Variants in PATJ observed in about 807,000 individuals in gnomAD.
PATJ encodes inaD-like protein.
In PATJ, 190 loss-of-function variants were observed where a neutral mutation model predicts 224.9. The observed-to-expected ratio is 0.84, with a 90% CI of 0.75 to 0.95. PATJ has a LOEUF of 0.95. PATJ is among the 40% of genes least tolerant of loss of function. The probability of loss-of-function intolerance (pLI) is 0.00; values close to 1 mark genes in which losing one functional copy is unlikely to be tolerated. For synonymous variants in PATJ, 769 were observed against 820.3 expected (o/e 0.94, Z 1.07); for missense variants, 2,121 against 2,270.3 (o/e 0.93, Z 1.34).
At chr1:61,962,960 G>A (rs1327894973) in intron 27 of PATJ, among the ~76,000 whole-genome samples, 1 of 152,194 alleles carries the variant, frequency 6.6e-6, no homozygotes, top group African/African-American at 2.4e-5. Context: ...CTGGAAAATA[G>A]CACATAATTC....
chr1:61,918,221 T>TAG (rs61047358), intron 26 of PATJ: 137,423 of 151,384 alleles, frequency 0.91, 62,534 homozygotes, highest in African/African-American at 0.97. Flanking sequence ...CTATTTCTCC[T>TAG]AGTCATTTTT....
At chr1:61,926,928 G>C (rs985392126) in intron 26 of PATJ, among the ~76,000 whole-genome samples, 1 of 152,094 alleles carries the variant, frequency 6.6e-6, no homozygotes, top group Non-Finnish European at 1.5e-5. Flanking sequence ...CAGTTATTTT[G>C]TTTTTTCTGG....
At chr1:61,912,726 G>A (rs1672870678) in intron 25 of PATJ, among the ~76,000 whole-genome samples, 1 of 145,384 alleles carries the variant, frequency 6.9e-6, no homozygotes, top group African/African-American at 2.5e-5. Flanking sequence ...AGGAGGGGAG[G>A]GGAGGGAAGG....
At chr1:61,971,370 C>T (rs1335425222) in intron 27 of PATJ, among the ~76,000 whole-genome samples, 4 of 152,174 alleles carry the variant, frequency 2.6e-5, no homozygotes, top group African/African-American at 9.6e-5. Context: ...CAGCGTAAGG[C>T]CAGGTGTGGT....
intron 17 of PATJ, among the ~76,000 whole-genome samples, chr1:61,844,649 C>T (rs532528658): frequency 2.6e-5 from 4 of 152,208 alleles, no homozygotes; most frequent in African/African-American, 9.6e-5. Context: ...TAACCGTTAT[C>T]ATAGGTGATA....
At position 62,011,321 on chromosome 1, in the gene PATJ, G is replaced by A. The variant is rs115294338; in HGVS notation, c.3868-6535G>A. 8.6e-3 allele frequency among the ~76,000 whole-genome samples: 1,315 copies of A among 152,198 alleles called. 19 individuals are homozygous for A. The highest frequency in any genetic ancestry group is 0.03 in the African/African-American group (1,244 of 41,524). On this transcript the variant is annotated intron_variant, in intron 28 of 43. Coordinates refer to ENST00000642238, the MANE Select transcript of PATJ (RefSeq NM_001350145.3). Reference sequence around the variant, plus strand: ...CTTTTGATTTAAAGTGAGAGATGTGGGACTCTTCCTTTTACTTGAACACTT... The same window carrying A: ...CTTTTGATTTAAAGTGAGAGATGTGAGACTCTTCCTTTTACTTGAACACTT...
chr1:61,933,253 T>C (rs993792105), intron 27 of PATJ, among the ~76,000 whole-genome samples: 14 of 152,018 alleles, frequency 9.2e-5, no homozygotes, highest in Non-Finnish European at 2.1e-4. Context: ...GGAAATGGCC[T>C]TTCATACCTG....
intron 7 of PATJ, among the ~76,000 whole-genome samples, chr1:61,784,276 G>A (rs1176503677): frequency 6.6e-6 from 1 of 152,170 alleles, no homozygotes; most frequent in African/African-American, 2.4e-5. Context: ...GATGATTTCT[G>A]TTAAAGAACA....
At chr1:61,840,021 C>T (rs931347389) in intron 17 of PATJ, among the ~76,000 whole-genome samples, 14 of 151,864 alleles carry the variant, frequency 9.2e-5, no homozygotes, top group African/African-American at 2.9e-4. Flanking sequence ...AATATTTCTC[C>T]CTATAAAAAT....
Position 61,974,506 on chromosome 1 carries a change from C to G in PATJ, c.3671-15662C>G, listed in dbSNP as rs140495733. On this transcript the variant is annotated intron_variant, in intron 27 of 43. Transcript: ENST00000642238. ...TTGGCTCACTGCAACCTCCACCTCC[C>G]AGGTTCAAGCGATTCTCCTGACTCA... Among the ~76,000 whole-genome samples the G allele has an allele frequency of 3.5e-3, 524 of 148,712 alleles. 8 individuals carry two copies. The highest frequency in any genetic ancestry group is 0.012 in the African/African-American group (496 of 40,110).
At chr1:61,896,295 C>CAA (rs386367129) in intron 22 of PATJ, among the ~76,000 whole-genome samples, 77,318 of 143,672 alleles carry the variant, frequency 0.54, 21,140 homozygotes, top group Admixed American at 0.63. Context: ...GACTCCATCT[C>CAA]AAAAAAAAAA....
intron 27 of PATJ, among the ~76,000 whole-genome samples, chr1:61,960,347 A>G (rs1681089654): frequency 6.6e-6 from 1 of 152,166 alleles, no homozygotes; most frequent in Admixed American, 6.5e-5. Context: ...CCTATTACAC[A>G]AATCTGAGTT....
chr1:62,127,974 G>A lies in PATJ; in HGVS notation c.5046G>A (p.Glu1682=). ...ATTATGTTTTCTTCCTTTTTTAGGA[G>A]CTCAGTGATGCCCTTGGAATCAGTA... ...MEPRTVEINR[E]LSDALGISIA... The change falls in exon 40 of 44, where the codon GAG becomes GAA. Residue 1682 remains glutamate (E), a splice_region_variant and synonymous_variant. Transcript: ENST00000642238. The A allele has an allele frequency of 6.2e-7, 1 of 1,613,820 alleles. No individual in the cohort carries two copies. Among genetic ancestry groups the A allele is most frequent in the Non-Finnish European group, 8.5e-7 (1 of 1,179,820 alleles).
At chr1:62,149,089 C>T (rs889581583) in intron 42 of PATJ, among the ~76,000 whole-genome samples, 11 of 147,666 alleles carry the variant, frequency 7.4e-5, no homozygotes, top group Admixed American at 1.4e-4. Context: ...GATTGCACTA[C>T]TGCACTCCAG....
intron 25 of PATJ, among the ~76,000 whole-genome samples, chr1:61,911,908 T>C (rs924537271): frequency 6.7e-6 from 1 of 149,674 alleles, no homozygotes; most frequent in Non-Finnish European, 1.5e-5. Context: ...CATAGCACTG[T>C]ATATATGTTA....
At position 62,018,012 on chromosome 1, in the gene PATJ, A is replaced by T. The variant is rs145475114; in HGVS notation, c.3959+65A>T. ...CTTCTGAAGATGTTATTAGTGTAAGACTATGTCATCTTTGATTTGTCTAGC... is the reference window on the plus strand; with the variant it reads ...CTTCTGAAGATGTTATTAGTGTAAGTCTATGTCATCTTTGATTTGTCTAGC... On this transcript the variant is annotated intron_variant, in intron 29 of 43. Coordinates refer to ENST00000642238, the MANE Select transcript of PATJ (RefSeq NM_001350145.3). This position sits in a 1 kb window ranked among gnomAD's most constrained non-coding sequence, Gnocchi z 4.2. 1.4e-4 allele frequency: 114 copies of T among 836,916 alleles called. No homozygotes were observed. The East Asian group carries it at 2.7e-3, about 20-fold the overall frequency. The allele number at this position is 836,916 out of a possible 1,614,324, so 51.8% of individuals were successfully genotyped here. A position where few individuals can be genotyped will look rare whatever the true frequency, so the allele number is the denominator to read the frequency against.
chr1:61,949,594 C>G (rs1177337150), intron 27 of PATJ, among the ~76,000 whole-genome samples: 1 of 152,170 alleles, frequency 6.6e-6, no homozygotes, highest in Non-Finnish European at 1.5e-5. Context: ...GAAGAGAGAT[C>G]AGGTTGTAAA....
intron 22 of PATJ, among the ~76,000 whole-genome samples, chr1:61,890,670 TA>T (rs1014807599): frequency 6.6e-5 from 10 of 151,980 alleles, no homozygotes; most frequent in African/African-American, 2.4e-4. Flanking sequence ...CTAATTTTTT[TA>T]TTTTCTGTAG....
intron 19 of PATJ, among the ~76,000 whole-genome samples, chr1:61,863,731 A>G (rs1263000059): frequency 2.0e-5 from 3 of 152,240 alleles, no homozygotes. Flanking sequence ...TAAAAGAGTC[A>G]TACTCAAAGT....
Sources: allele counts gnomAD v4.1 joint callset (sites outside exome capture counted in the v4.1 genomes callset), GRCh38; gene constraint gnomAD v4.1.1; non-coding constraint Gnocchi (gnomAD v3.1); transcripts MANE v1.5; gene names NCBI Gene and HGNC (gene_info 2026-07-23, HGNC 2026-07-21).